Variants in ERCC3 observed in about 807,000 individuals in gnomAD.
ERCC3 encodes general transcription and DNA repair factor IIH helicase/translocase subunit XPB.
A neutral mutation model predicts 94.2 loss-of-function variants in ERCC3; 66 were observed. That is an observed-to-expected ratio of 0.70 (90% CI 0.57 to 0.86). The LOEUF (loss-of-function observed/expected upper bound fraction) is 0.86, where lower values mean the gene tolerates loss of function less well. Ranked by LOEUF, ERCC3 falls within the 40% of genes least tolerant of loss-of-function variation. The pLI is 0.00. For missense variants in ERCC3, 829 were observed against 987.1 expected (o/e 0.84, Z 2.15); for synonymous variants, 349 against 369.1 (o/e 0.95, Z 0.63).
rs2104770791 is a variant in ERCC3 at position 127,286,740 on chromosome 2, C to T, written c.1305G>A (p.Trp435Ter). 1 of 1,614,060 alleles carries T rather than the reference C, an allele frequency of 6.2e-7. No individual in the cohort carries two copies. The highest frequency in any genetic ancestry group is 1.1e-5 in the South Asian group (1 of 91,080). The change falls in exon 8 of 15, where the codon TGG (tryptophan) becomes TGA (stop). Residue 435 changes from tryptophan to a stop codon, truncating the protein, a stop_gained. Coordinates refer to ENST00000285398, the MANE Select transcript of ERCC3 (RefSeq NM_000122.2). LOFTEE classifies it high-confidence loss of function. ...GCACTTCATCCAGGATCATGAGGCCCCACTCCTGGGTCTTGAGCCACTCCA... is the reference window on the plus strand; with the variant it reads ...GCACTTCATCCAGGATCATGAGGCCTCACTCCTGGGTCTTGAGCCACTCCA... ...RVMEWLKTQE[W>*]GLMILDEVHT... is the part of the protein sequence containing the mutation.
intron 3 of ERCC3, 184 bp from the exon 4 acceptor site, chr2:127,290,457 T>G (rs1403344985): frequency 7.5e-6 from 5 of 662,810 alleles, no homozygotes; most frequent in Non-Finnish European, 2.8e-6. Context: ...CTCTGCTTTC[T>G]GAGAACAAAA....
Position 127,279,083 on chromosome 2 carries a change from A to G in ERCC3, c.1730+90T>C. ...GGAGCCCAAGAAGTTCCTGAGAGAA[A>G]AACAAAAAAACAAAACAACAGCCAC... is the stretch of plus-strand genomic sequence containing the variant. On this transcript the variant is annotated intron_variant, in intron 10 of 14. Coordinates refer to ENST00000285398, the MANE Select transcript of ERCC3 (RefSeq NM_000122.2). The surrounding 1 kb of genome is among the most constrained non-coding windows in gnomAD (Gnocchi z 4.7). 2 of 889,352 alleles carry G rather than the reference A, an allele frequency of 2.2e-6. No homozygotes were observed. The highest frequency in any genetic ancestry group is 3.7e-6 in the Non-Finnish European group (2 of 547,104). 55.1% of individuals were successfully genotyped at this position (889,352 alleles called of 1,614,324 possible).
chr2:127,275,284 C>A (rs572202641), intron 10 of ERCC3, among the ~76,000 whole-genome samples: 3 of 152,234 alleles, frequency 2.0e-5, no homozygotes, highest in African/African-American at 7.2e-5. Context: ...TCTGCCTTGG[C>A]CCCCCAAAGT....
intron 2 of ERCC3, 131 bp downstream of exon 2, chr2:127,293,382 T>C: frequency 1.2e-6 from 1 of 860,620 alleles, no homozygotes; most frequent in East Asian, 2.7e-5. Flanking sequence ...CCAACGTGTG[T>C]GGATGAAAAT....
chr2:127,278,470 T>C (rs1684802678), intron 10 of ERCC3, among the ~76,000 whole-genome samples: 1 of 152,192 alleles, frequency 6.6e-6, no homozygotes, highest in Non-Finnish European at 1.5e-5. Context: ...GAGTTTGTCT[T>C]CCCTTCTATA....
chr2:127,290,305 T>C lies in ERCC3; in HGVS notation c.472-32A>G, dbSNP rs761018445. The C allele has an allele frequency of 2.6e-6, 4 of 1,568,146 alleles. No individual in the cohort carries two copies. The South Asian group carries it at 4.4e-5, about 17-fold the overall frequency. On this transcript the variant is annotated intron_variant, in intron 3 of 14. Transcript: ENST00000285398. Reference sequence around the variant, plus strand: ...ATACAGATAACATCCAACAGGTAAATGTGCAGCTAACTCAGAACACATTCA... The same window carrying C: ...ATACAGATAACATCCAACAGGTAAACGTGCAGCTAACTCAGAACACATTCA...
rs1377896556 is a variant in ERCC3, at chr2:127,258,215, G to A, written c.2218-488C>T. On this transcript the variant is annotated intron_variant, in intron 14 of 14. Transcript: ENST00000285398. This position sits in a 1 kb window ranked among gnomAD's most constrained non-coding sequence, Gnocchi z 4.1. The stretch of plus-strand genomic sequence containing the variant: ...CCCAAAGTGCTGGGATTACAGACAT[G>A]AGCCACCATGCCTGGCCTGAACAGA... Among the ~76,000 whole-genome samples the A allele has an allele frequency of 2.6e-5, 4 of 152,092 alleles. No homozygotes were observed. The highest frequency in any genetic ancestry group is 3.9e-4 in the East Asian group (2 of 5,190).
chr2:127,278,057 T>C (rs530250823), intron 10 of ERCC3, among the ~76,000 whole-genome samples: 14 of 151,812 alleles, frequency 9.2e-5, no homozygotes, highest in African/African-American at 1.5e-4. Flanking sequence ...CTGGGCAACA[T>C]AGCAAAACCC....
In ERCC3 at chr2:127,279,201, G is replaced by C. The variant is rs545926053; in HGVS notation, c.1702C>G (p.Leu568Val). Residue 568 changes from leucine to valine, a missense_variant, in exon 10 of 15, where the codon CTA becomes GTA. Transcript: ENST00000285398. The surrounding 1 kb of genome is among the most constrained non-coding windows in gnomAD (Gnocchi z 4.7). ...IIVFADNVFA[L>V]KEYAIRLNKP... ...TTCAGTCGAATGGCATATTCCTTTA[G>C]GGCAAACACATTGTCAGCAAAGACA... is the stretch of plus-strand genomic sequence containing the variant. The C allele has an allele frequency of 2.5e-6, 4 of 1,613,434 alleles. No individual in the cohort carries two copies. The highest frequency in any genetic ancestry group is 1.3e-5 in the African/African-American group (1 of 75,028).
chr2:127,287,203 C>T (rs1300039274), intron 7 of ERCC3, among the ~76,000 whole-genome samples, 186 bp from the exon 8 acceptor site: 1 of 152,214 alleles, frequency 6.6e-6, no homozygotes, highest in African/African-American at 2.4e-5. Flanking sequence ...ATGCCCACTT[C>T]ACATACATAT....
chr2:127,285,613 C>T (rs566685558), intron 8 of ERCC3, among the ~76,000 whole-genome samples: 7 of 152,208 alleles, frequency 4.6e-5, no homozygotes, highest in Admixed American at 4.6e-4. Flanking sequence ...TCACTTGAAC[C>T]CGGGAGGCAG....
At chr2:127,288,492 A>G (rs372881023) in intron 7 of ERCC3, among the ~76,000 whole-genome samples, 168 bp downstream of exon 7, 19 of 152,202 alleles carry the variant, frequency 1.2e-4, no homozygotes, top group African/African-American at 4.6e-4. Flanking sequence ...GCCAGGGCCC[A>G]TACACAGCAA....
chr2:127,288,590 G>A (rs1312538449), intron 7 of ERCC3, 70 bp downstream of exon 7: 23 of 1,311,974 alleles, frequency 1.8e-5, no homozygotes, highest in Middle Eastern at 1.9e-4. Context: ...TGTGCAGAGA[G>A]AAAGCGGGAG....
chr2:127,289,000 A>G (rs1179980189), intron 6 of ERCC3, 136 bp from the exon 7 acceptor site: 8 of 829,568 alleles, frequency 9.6e-6, no homozygotes, highest in Non-Finnish European at 1.6e-5. Context: ...TGCTCAGTCA[A>G]CAACCGGGAT....
chr2:127,266,537 CTG>C (rs1391937719), intron 12 of ERCC3, among the ~76,000 whole-genome samples: 1 of 151,492 alleles, frequency 6.6e-6, no homozygotes, highest in Non-Finnish European at 1.5e-5. Flanking sequence ...CGGGGTTTCA[CTG>C]TGTTAGCCAG....
Position 127,271,166 on chromosome 2 carries a change from A to G in ERCC3, c.1945+170T>C, listed in dbSNP as rs1684535234. ...ACACCTGCATATTCACCCCCAAGGTATGAGAAATAATGATGGGCCATAAGG... is the reference window on the plus strand; with the variant it reads ...ACACCTGCATATTCACCCCCAAGGTGTGAGAAATAATGATGGGCCATAAGG... On this transcript the variant is annotated intron_variant, in intron 12 of 14. Transcript: ENST00000285398. This position sits in a 1 kb window ranked among gnomAD's most constrained non-coding sequence, Gnocchi z 5.0. Among the ~76,000 whole-genome samples the G allele has an allele frequency of 6.6e-6, 1 of 152,236 alleles. No homozygotes were observed. The highest frequency in any genetic ancestry group is 2.4e-5 in the African/African-American group (1 of 41,464).
Position 127,264,165 on chromosome 2 carries a change from A to G in ERCC3, c.1946-2819T>C, listed in dbSNP as rs1319667958. ...TTATCATGAAGGAATGTTGAATTTT[A>G]TCAAAAGCTCTTTCTGGGCTGGGCG... On this transcript the variant is annotated intron_variant, in intron 12 of 14. Transcript: ENST00000285398. This position sits in a 1 kb window ranked among gnomAD's most constrained non-coding sequence, Gnocchi z 4.4. Among the ~76,000 whole-genome samples, 1 of 152,114 alleles carries G rather than the reference A, an allele frequency of 6.6e-6. No individual in the cohort carries two copies. The highest frequency in any genetic ancestry group is 1.5e-5 in the Non-Finnish European group (1 of 68,038).
chr2:127,261,626 TCAA>T (rs55908406), intron 12 of ERCC3: 23 of 420,274 alleles, frequency 5.5e-5, no homozygotes, highest in Middle Eastern at 7.1e-4. Context: ...CTGTTGAAAC[TCAA>T]CAACAAGACA....
At chr2:127,267,168 T>C (rs1263380276) in intron 12 of ERCC3, among the ~76,000 whole-genome samples, 1 of 152,246 alleles carries the variant, frequency 6.6e-6, no homozygotes, top group Non-Finnish European at 1.5e-5. Context: ...TCTGCCTCTA[T>C]AATCTGTCTC....
Sources: gnomAD v4.1 joint callset for allele counts (sites outside exome capture counted in the v4.1 genomes callset) on GRCh38, gnomAD v4.1.1 for gene constraint, Gnocchi (gnomAD v3.1) non-coding constraint, MANE v1.5 for transcripts, NCBI Gene and HGNC (gene_info 2026-07-23, HGNC 2026-07-21) for gene names.